Variants in LOC112694756 observed in about 807,000 individuals in gnomAD.
chr16:30,070,188 C>T, the LOC112694756 span: 57 of 1,614,052 alleles, frequency 3.5e-5, no homozygotes, highest in Middle Eastern at 1.6e-4. Context: ...GCGAGTCCCT[C>T]TTCGTCTCTA....
the LOC112694756 span, chr16:30,068,748 T>C: frequency 6.8e-6 from 11 of 1,614,162 alleles, no homozygotes; most frequent in South Asian, 1.1e-5. Flanking sequence ...CAGAGCAGGT[T>C]TGGGTGCTGG....
At chr16:30,056,133 G>A in the LOC112694756 span, among the ~76,000 whole-genome samples, 2,012 of 131,928 alleles carry the variant, frequency 0.015, 57 homozygotes, top group African/African-American at 0.055. Context: ...TTTTTGAGAC[G>A]GAGTCTCGCT....
At chr16:30,064,231 T>C in the LOC112694756 span, 1 of 397,790 alleles carries the variant, frequency 2.5e-6, no homozygotes, top group Non-Finnish European at 4.4e-6. Context: ...GTCCACGGAC[T>C]CTCCGTTATT....
the LOC112694756 span, chr16:30,066,970 C>T: frequency 6.4e-7 from 1 of 1,553,680 alleles, no homozygotes; most frequent in Non-Finnish European, 8.7e-7. Context: ...CTTTTCCTTT[C>T]CCCCAGTTGC....
chr16:30,053,466 C>G, the LOC112694756 span: 3 of 153,028 alleles, frequency 2.0e-5, no homozygotes, highest in Non-Finnish European at 4.4e-5. Flanking sequence ...TTCTGCAGCT[C>G]CCGGACTGAC....
the LOC112694756 span, among the ~76,000 whole-genome samples, chr16:30,055,765 C>G: frequency 6.6e-6 from 1 of 151,954 alleles, no homozygotes; most frequent in African/African-American, 2.4e-5. Context: ...CCCTCCAGAG[C>G]TGGGTCCTCC....
chr16:30,068,775 A>G, the LOC112694756 span: 7 of 1,614,098 alleles, frequency 4.3e-6, no homozygotes, highest in South Asian at 4.4e-5. Flanking sequence ...TGGAAACCAC[A>G]TGCCCCTCCC....
chr16:30,069,390 G>T, the LOC112694756 span: 1 of 1,614,144 alleles, frequency 6.2e-7, no homozygotes, highest in Non-Finnish European at 8.5e-7. Context: ...GACCGAGAAG[G>T]TAAATGGCTA....
At chr16:30,055,022 T>G in the LOC112694756 span, 1 of 398,426 alleles carries the variant, frequency 2.5e-6, no homozygotes, top group African/African-American at 2.1e-5. Flanking sequence ...CTGAGACACT[T>G]GACATTTAGC....
At chr16:30,064,261 C>T in the LOC112694756 span, 1 of 397,686 alleles carries the variant, frequency 2.5e-6, no homozygotes, top group African/African-American at 2.1e-5. Context: ...GAGTGTAGTG[C>T]CAGTATCTAC....
At chr16:30,057,384 A>G in the LOC112694756 span, among the ~76,000 whole-genome samples, 4 of 152,308 alleles carry the variant, frequency 2.6e-5, no homozygotes, top group Admixed American at 2.6e-4. Context: ...ATAGCTCCAC[A>G]GCGTTAGCTG....
the LOC112694756 span, chr16:30,054,777 C>T: frequency 1.8e-5 from 7 of 399,216 alleles, no homozygotes; most frequent in Admixed American, 4.4e-5. Flanking sequence ...CTCCTGTACT[C>T]GTCCAGGCCT....
At chr16:30,069,566 C>A in the LOC112694756 span, 1 of 1,614,110 alleles carries the variant, frequency 6.2e-7, no homozygotes. Flanking sequence ...TTGCTGAAGC[C>A]CAACATGGTC....
chr16:30,061,615 A>G, the LOC112694756 span, among the ~76,000 whole-genome samples: 1 of 122,510 alleles, frequency 8.2e-6, no homozygotes. Flanking sequence ...GCTGGAGTGC[A>G]GTGGGTCGAT....
At chr16:30,055,133 A>G in the LOC112694756 span, 3 of 398,554 alleles carry the variant, frequency 7.5e-6, no homozygotes, top group African/African-American at 6.2e-5. Context: ...GGCTGTCACT[A>G]CCTGCTGCCT....
the LOC112694756 span, chr16:30,064,170 G>A: frequency 2.5e-6 from 1 of 398,362 alleles, no homozygotes; most frequent in Non-Finnish European, 4.4e-6. Context: ...TGTTATAGGA[G>A]GAGTCTGGCC....
the LOC112694756 span, chr16:30,069,435 C>T: frequency 5.0e-6 from 8 of 1,613,878 alleles, no homozygotes; most frequent in Non-Finnish European, 5.9e-6. Flanking sequence ...TGGCCGGGGA[C>T]CCTGGGGCTA....
chr16:30,060,022 A>G, the LOC112694756 span, among the ~76,000 whole-genome samples: 1 of 152,010 alleles, frequency 6.6e-6, no homozygotes, highest in Non-Finnish European at 1.5e-5. Context: ...TCTGTTGCCC[A>G]GGCTAGAGTG....
chr16:30,066,014 C>T, the LOC112694756 span: 2 of 152,968 alleles, frequency 1.3e-5, no homozygotes, highest in African/African-American at 4.8e-5. Flanking sequence ...GCGTGGAGGC[C>T]TCCCCCATCC....
Sources: allele counts gnomAD v4.1 joint callset (sites outside exome capture counted in the v4.1 genomes callset), GRCh38; gene constraint gnomAD v4.1.1; transcripts MANE v1.5.